The following TMEM140 variants were observed in gnomAD, a reference collection of about 807,000 sequenced individuals.
TMEM140 encodes transmembrane protein 140.
For synonymous variants in TMEM140, 107 were observed against 106.8 expected (o/e 1.00, Z -0.01); for missense variants, 236 against 228.5 (o/e 1.03, Z -0.21).
chr7:135,152,615 T>G (rs1829691838), intron 1 of TMEM140, among the ~76,000 whole-genome samples: 1 of 152,258 alleles, frequency 6.6e-6, no homozygotes, highest in Admixed American at 6.5e-5. Context: ...TTTTGAGGTC[T>G]GTTTTTAATT....
At chr7:135,156,867 G>C (rs1829807538) in intron 1 of TMEM140, among the ~76,000 whole-genome samples, 1 of 152,132 alleles carries the variant, frequency 6.6e-6, no homozygotes, top group Admixed American at 6.5e-5. Flanking sequence ...GGAGGTAACT[G>C]AATCATGGGG....
At position 135,151,197 on chromosome 7, in the gene TMEM140, G is replaced by A. The variant is rs752289065; in HGVS notation, c.-25+2927G>A. Among the ~76,000 whole-genome samples the A allele has an allele frequency of 1.5e-4, 23 of 152,146 alleles. No homozygotes were observed. The highest frequency in any genetic ancestry group is 5.9e-5 in the Non-Finnish European group (4 of 68,028). ...CATTCATTAAAAACTTGGTGGTTGG[G>A]ATGGCTGTCCACAGAAAACACTGGT... On this transcript the variant is annotated intron_variant, in intron 1 of 1. Transcript: ENST00000275767. This position sits in a 1 kb window ranked among gnomAD's most constrained non-coding sequence, Gnocchi z 4.3.
intron 1 of TMEM140, among the ~76,000 whole-genome samples, chr7:135,158,662 G>C (rs1829853127): frequency 6.6e-6 from 1 of 152,082 alleles, no homozygotes; most frequent in African/African-American, 2.4e-5. Flanking sequence ...GCTACCTTGG[G>C]CCTGGGATCA....
Position 135,160,741 on chromosome 7 carries a change from A to AC in TMEM140, c.-24-3677_-24-3676insC, listed in dbSNP as rs1485790184. 5.3e-5 allele frequency among the ~76,000 whole-genome samples: 8 copies of AC among 151,968 alleles called. No individual in the cohort carries two copies. In the East Asian group the frequency reaches 1.2e-3, roughly 22 times the overall value. ...GCATTTTCATTCGCTCATTTAAAAA[A>AC]AAAAAACAAAAAAAAGAGCCCCTAC... On this transcript the variant is annotated intron_variant, in intron 1 of 1. Transcript: ENST00000275767.
intron 1 of TMEM140, among the ~76,000 whole-genome samples, chr7:135,153,941 G>C (rs1451820438): frequency 5.3e-5 from 8 of 152,122 alleles, no homozygotes; most frequent in Non-Finnish European, 2.9e-5. Context: ...ATGTTTGGTA[G>C]AATTTGGCTG....
At chr7:135,160,701 C>A (rs1287883360) in intron 1 of TMEM140, among the ~76,000 whole-genome samples, 1 of 150,344 alleles carries the variant, frequency 6.7e-6, no homozygotes, top group African/African-American at 2.5e-5. Context: ...TGAAAGAACT[C>A]AGGGAGCCTA....
chr7:135,155,017 A>G (rs1291695708), intron 1 of TMEM140, among the ~76,000 whole-genome samples: 2 of 152,148 alleles, frequency 1.3e-5, no homozygotes, highest in Non-Finnish European at 2.9e-5. Context: ...GGGTGCTTCA[A>G]TGTTGGGTAC....
intron 1 of TMEM140, among the ~76,000 whole-genome samples, chr7:135,159,440 CTTAAA>C (rs1829874396): frequency 6.6e-6 from 1 of 152,316 alleles, no homozygotes; most frequent in Non-Finnish European, 1.5e-5. Flanking sequence ...AAAAAGCTGC[CTTAAA>C]TTAATCTCCT....
At position 135,165,019 on chromosome 7, in the gene TMEM140, G is replaced by A. The variant is rs749390569; in HGVS notation, c.*20G>A. The A allele has an allele frequency of 1.3e-6, 2 of 1,550,098 alleles. No homozygotes were observed. Among genetic ancestry groups the A allele is most frequent in the African/African-American group, 1.4e-5 (1 of 72,916 alleles). On this transcript the variant is annotated 3_prime_UTR_variant, in exon 2 of 2. Transcript: ENST00000275767. ...TGCTAAAGGCTTACGTGATTGCAAGGGTTCAGTTCCAACCATGGTCAGAGG... is the reference window on the plus strand; with the variant it reads ...TGCTAAAGGCTTACGTGATTGCAAGAGTTCAGTTCCAACCATGGTCAGAGG...
At chr7:135,156,178 C>A (rs1389982409) in intron 1 of TMEM140, among the ~76,000 whole-genome samples, 5 of 152,036 alleles carry the variant, frequency 3.3e-5, no homozygotes, top group Non-Finnish European at 7.4e-5. Flanking sequence ...TTTTAAAATT[C>A]TTTCTTTCAC....
At chr7:135,163,495 AT>A (rs1287190690) in intron 1 of TMEM140, among the ~76,000 whole-genome samples, 1 of 151,658 alleles carries the variant, frequency 6.6e-6, no homozygotes, top group African/African-American at 2.4e-5. Context: ...AAATACAAAA[AT>A]TAGCCAGGCA....
rs1022464235 is a variant in TMEM140, at chr7:135,161,147, C to T, written c.-24-3271C>T. Among the ~76,000 whole-genome samples the T allele has an allele frequency of 2.0e-5, 3 of 152,196 alleles. No individual in the cohort carries two copies. Among genetic ancestry groups the T allele is most frequent in the Non-Finnish European group, 4.4e-5 (3 of 68,034 alleles). On this transcript the variant is annotated intron_variant, in intron 1 of 1. Transcript: ENST00000275767. This position sits in a 1 kb window ranked among gnomAD's most constrained non-coding sequence, Gnocchi z 4.1. ...GAGAGGCCACCACCTTCTCCACATG[C>T]CTGGTCCTGGGCTTCTTGGCTCGTT...
chr7:135,153,456 C>CAAA (rs55776467), intron 1 of TMEM140, among the ~76,000 whole-genome samples: 31,417 of 81,050 alleles, frequency 0.39, 5,562 homozygotes, highest in South Asian at 0.58. Context: ...TCCATCTCCA[C>CAAA]AAAAAAAAAA....
At chr7:135,160,451 A>G (rs1829900835) in intron 1 of TMEM140, among the ~76,000 whole-genome samples, 1 of 152,236 alleles carries the variant, frequency 6.6e-6, no homozygotes, top group South Asian at 2.1e-4. Context: ...GGGGAAGTAG[A>G]GAAGAGTGTC....
chr7:135,164,805 G>A lies in TMEM140; in HGVS notation c.364G>A (p.Val122Met), dbSNP rs758818338. The change falls in exon 2 of 2, where the codon GTG becomes ATG. Residue 122 changes from valine (V) to methionine (M), a missense_variant. By Grantham distance (21) the Val-to-Met change is conservative. Coordinates refer to ENST00000275767, the MANE Select transcript of TMEM140 (RefSeq NM_018295.5). ...GCGGCTGGCAGTGGGCTTCCTGGCT[G>A]TGTCCTCTGTGCTGCTGGCAGGCGG... ...AWRLAVGFLA[V>M]SSVLLAGGLG... 1.2e-6 allele frequency: 2 copies of A among 1,614,132 alleles called. No individual in the cohort carries two copies. Among genetic ancestry groups the A allele is most frequent in the South Asian group, 1.1e-5 (1 of 91,090 alleles).
In TMEM140 at chr7:135,164,456, G is replaced by T. The variant is rs1435163121; in HGVS notation, c.15G>T (p.Arg5Ser). 1 of 1,599,518 alleles carries T rather than the reference G, an allele frequency of 6.3e-7. No individual in the cohort carries two copies. The highest frequency in any genetic ancestry group is 8.6e-7 in the Non-Finnish European group (1 of 1,167,532). ...GGGCAGTAGAGATGGCCGGCCCAAG[G>T]CCTCGGTGGCGCGACCAGCTGCTGT... Reference protein sequence around the residue: MAGPRPRWRDQLLFM... With the variant: MAGPSPRWRDQLLFM... The change falls in exon 2 of 2, where the codon AGG becomes AGT. Residue 5 changes from arginine (R) to serine (S), a missense_variant. Coordinates refer to ENST00000275767, the MANE Select transcript of TMEM140 (RefSeq NM_018295.5).
rs1342136968 is a variant in TMEM140, at chr7:135,164,411, C to G, written c.-24-7C>G. On this transcript the variant is annotated splice_region_variant and splice_polypyrimidine_tract_variant and intron_variant, in intron 1 of 1. Coordinates refer to ENST00000275767, the MANE Select transcript of TMEM140 (RefSeq NM_018295.5). Reference sequence around the variant, plus strand: ...GAGATGGACTGACTGCTGTGACTTCCCCGCAGGTCCCCCGGCAGAGGGCAG... The same window carrying G: ...GAGATGGACTGACTGCTGTGACTTCGCCGCAGGTCCCCCGGCAGAGGGCAG... The G allele has an allele frequency of 1.3e-6, 2 of 1,576,278 alleles. No individual in the cohort carries two copies. The highest frequency in any genetic ancestry group is 4.5e-5 in the East Asian group (2 of 44,034).
intron 1 of TMEM140, among the ~76,000 whole-genome samples, chr7:135,158,348 G>T (rs1829846740): frequency 6.6e-6 from 1 of 152,246 alleles, no homozygotes; most frequent in African/African-American, 2.4e-5. Flanking sequence ...AGCTGCACCA[G>T]CCCAATCTCA....
At chr7:135,150,754 G>T (rs1004202896) in intron 1 of TMEM140, among the ~76,000 whole-genome samples, 1 of 152,202 alleles carries the variant, frequency 6.6e-6, no homozygotes, top group East Asian at 1.9e-4. Context: ...GTGGCAGGAG[G>T]CTGAGGCAGG....
Sources: allele counts gnomAD v4.1 joint callset (sites outside exome capture counted in the v4.1 genomes callset), GRCh38; gene constraint gnomAD v4.1.1; non-coding constraint Gnocchi (gnomAD v3.1); transcripts MANE v1.5; gene names NCBI Gene and HGNC (gene_info 2026-07-23, HGNC 2026-07-21).